The following ERG variants were observed in gnomAD, a reference collection of about 807,000 sequenced individuals.
ERG encodes the protein transcriptional regulator ERG.
A neutral mutation model predicts 55.3 loss-of-function variants in ERG; 9 were observed. That is an observed-to-expected ratio of 0.16 (90% CI 0.10 to 0.28). The LOEUF (loss-of-function observed/expected upper bound fraction) is 0.28. Among genes scored for constraint, ERG ranks in the 10% least tolerant of loss-of-function variants. The probability of loss-of-function intolerance (pLI) is 1.00; values close to 1 mark genes in which losing one functional copy is unlikely to be tolerated. For missense variants in ERG, 434 were observed against 631.6 expected, an observed-to-expected ratio of 0.69 and a Z score of 3.35; for synonymous variants, 223 against 237.3, an observed-to-expected ratio of 0.94 and a Z score of 0.55.
At chr21:38,619,614 A>G (rs1422580811) in intron 1 of ERG, among the ~76,000 whole-genome samples, 1 of 152,262 alleles carries the variant, frequency 6.6e-6, no homozygotes, top group Non-Finnish European at 1.5e-5. Context: ...GTATTGGTGA[A>G]TCTATTCTAT....
chr21:38,466,865 C>G (rs533556031), intron 1 of ERG, among the ~76,000 whole-genome samples: 34 of 152,274 alleles, frequency 2.2e-4, no homozygotes, highest in South Asian at 8.3e-4. Flanking sequence ...GAATGATAAT[C>G]CTACCATGTT....
At chr21:38,640,905 T>C (rs1443492254) in intron 1 of ERG, among the ~76,000 whole-genome samples, 3 of 152,302 alleles carry the variant, frequency 2.0e-5, no homozygotes, top group East Asian at 3.9e-4. Context: ...ACTGCTATTT[T>C]TCATTATAAG....
intron 1 of ERG, among the ~76,000 whole-genome samples, chr21:38,603,490 G>A (rs138510542): frequency 1.9e-4 from 29 of 152,062 alleles, no homozygotes; most frequent in Admixed American, 5.9e-4. Flanking sequence ...GTGGTGGTGC[G>A]CACCCTGTAG....
At chr21:38,650,967 T>C (rs2060485356) in intron 1 of ERG, among the ~76,000 whole-genome samples, 1 of 152,226 alleles carries the variant, frequency 6.6e-6, no homozygotes. Flanking sequence ...ATTGTATTAT[T>C]CTCAAGAAAC....
chr21:38,578,899 G>A (rs540512233), intron 1 of ERG, among the ~76,000 whole-genome samples: 87 of 152,240 alleles, frequency 5.7e-4, no homozygotes, highest in African/African-American at 2.0e-3. Flanking sequence ...CGAGATCTTC[G>A]TTAAAATTTT....
At chr21:38,507,927 G>A (rs11911137) in intron 2 of ERG, among the ~76,000 whole-genome samples, 132,490 of 148,584 alleles carry the variant, frequency 0.89, 58,616 homozygotes, top group Middle Eastern at 0.96. Flanking sequence ...TGAGGAACCA[G>A]TGGCTCCCCC....
upstream of ERG, among the ~76,000 whole-genome samples, chr21:38,501,307 T>A (rs1163597471): frequency 5.3e-5 from 8 of 151,964 alleles, no homozygotes; most frequent in African/African-American, 1.9e-4. Context: ...GACTTCATGA[T>A]CCACCCGCCT....
At chr21:38,632,837 TC>T (rs1419814470) in intron 1 of ERG, among the ~76,000 whole-genome samples, 2 of 151,254 alleles carry the variant, frequency 1.3e-5, no homozygotes, top group Non-Finnish European at 2.9e-5. Context: ...GTATGGAGGG[TC>T]CTCAAAAATT....
intron 2 of ERG, among the ~76,000 whole-genome samples, chr21:38,533,919 G>A (rs1008832331): frequency 3.3e-5 from 5 of 152,108 alleles, no homozygotes; most frequent in African/African-American, 1.2e-4. Context: ...TAATCATGGG[G>A]AGTTACGATG....
intron 1 of ERG, among the ~76,000 whole-genome samples, chr21:38,455,549 A>G (rs1005889756): frequency 1.3e-5 from 2 of 152,116 alleles, no homozygotes; most frequent in African/African-American, 4.8e-5. Flanking sequence ...CAAAACACAC[A>G]AAGGCTAAAA....
chr21:38,480,718 T>C (rs1569132394), intron 1 of ERG, among the ~76,000 whole-genome samples: 1 of 145,234 alleles, frequency 6.9e-6, no homozygotes, highest in Non-Finnish European at 1.5e-5. Context: ...TTCAAAGTAA[T>C]ACTAATTTTG....
At chr21:38,504,457 AG>A (rs1233319082) in intron 2 of ERG, among the ~76,000 whole-genome samples, 1 of 152,248 alleles carries the variant, frequency 6.6e-6, no homozygotes, top group African/African-American at 2.4e-5. Flanking sequence ...AAGAAACCTA[AG>A]AGGAGAGTAA....
Position 38,423,521 on chromosome 21 carries a change from T to A in ERG, c.277A>T (p.Met93Leu), listed in dbSNP as rs201193348. 2.3e-4 allele frequency: 371 copies of A among 1,614,010 alleles called. 1 individual carries two copies. Among genetic ancestry groups the A allele is most frequent in the Non-Finnish European group, 1.0e-4 (122 of 1,179,980 alleles). Residue 93 changes from methionine to leucine, a missense_variant, in exon 3 of 10, where the codon ATG (methionine) becomes TTG (leucine). By Grantham distance (15) the Met-to-Leu change is conservative. Coordinates refer to ENST00000288319, the MANE Select transcript of ERG (RefSeq NM_182918.4). ...CCAACGGTGTCTGGGCTGCCCACCA[T>A]CTTCCCGCCTTTGGCCACACTGCAT... ...DECSVAKGGK[M>L]VGSPDTVGMN...
chr21:38,591,663 G>C (rs1305933046), intron 1 of ERG, among the ~76,000 whole-genome samples: 2 of 152,202 alleles, frequency 1.3e-5, no homozygotes, highest in African/African-American at 4.8e-5. Flanking sequence ...CTGCACTCCA[G>C]CCTGGGGGAC....
intron 1 of ERG, among the ~76,000 whole-genome samples, chr21:38,616,113 A>G (rs1452823855): frequency 6.6e-6 from 1 of 151,996 alleles, no homozygotes; most frequent in African/African-American, 2.4e-5. Flanking sequence ...AGATGATTTT[A>G]TATGTTTGAC....
chr21:38,575,621 G>C (rs776069816), intron 2 of ERG: 3 of 1,474,806 alleles, frequency 2.0e-6, no homozygotes, highest in Non-Finnish European at 2.8e-6. Flanking sequence ...CCTAGGCACA[G>C]AGGAAGGCAG....
chr21:38,475,453 T>C (rs2059178637), intron 1 of ERG, among the ~76,000 whole-genome samples: 1 of 152,180 alleles, frequency 6.6e-6, no homozygotes, highest in Admixed American at 6.5e-5. Context: ...AGGGTAGGGC[T>C]GTTCTTCTGA....
intron 2 of ERG, among the ~76,000 whole-genome samples, chr21:38,444,067 C>T (rs2058866528): frequency 6.6e-6 from 1 of 152,206 alleles, no homozygotes; most frequent in African/African-American, 2.4e-5. Context: ...GTTGACATTC[C>T]CTCTAGGACA....
intron 2 of ERG, among the ~76,000 whole-genome samples, chr21:38,438,988 G>A (rs1172754481): frequency 1.3e-5 from 2 of 152,208 alleles, no homozygotes; most frequent in South Asian, 2.1e-4. Flanking sequence ...TGCTGGTCCC[G>A]GAGCCCACGC....
Sources: gnomAD v4.1 joint callset for allele counts (sites outside exome capture counted in the v4.1 genomes callset) on GRCh38, gnomAD v4.1.1 for gene constraint, MANE v1.5 for transcripts, NCBI Gene and HGNC (gene_info 2026-07-23, HGNC 2026-07-21) for gene names.